Variants in GRID2IP observed in about 807,000 individuals in gnomAD.
The protein encoded by GRID2IP is delphilin.
A neutral mutation model predicts 114.3 loss-of-function variants in GRID2IP; 78 were observed. That is an observed-to-expected ratio of 0.68 (90% CI 0.57 to 0.82). The LOEUF is 0.82. Ranked by LOEUF, GRID2IP falls within the 40% of genes least tolerant of loss-of-function variation. The pLI, the probability that GRID2IP is intolerant of heterozygous loss-of-function variation, is 0.00. For synonymous variants in GRID2IP, 809 were observed against 724.0 expected (o/e 1.12, Z -1.89); for missense variants, 1,727 against 1,678.5 (o/e 1.03, Z -0.51).
chr7:6,521,991 T>G lies in GRID2IP; in HGVS notation c.920-34A>C. 6.6e-7 allele frequency: 1 copy of G among 1,518,004 alleles called. No homozygotes were observed. Among genetic ancestry groups the G allele is most frequent in the Non-Finnish European group, 9.0e-7 (1 of 1,116,756 alleles). 94.0% of individuals were successfully genotyped at this position (1,518,004 alleles called of 1,614,324 possible). On this transcript the variant is annotated intron_variant, in intron 4 of 21. Coordinates refer to ENST00000457091, the MANE Select transcript of GRID2IP (RefSeq NM_001145118.2). The surrounding 1 kb of genome is among the most constrained non-coding windows in gnomAD (Gnocchi z 4.1). ...AAGAAGAGAGGGTGTGCCGGTCAGC[T>G]GGGCAGGGTACCACTTTGAGAGCAG...
chr7:6,516,515 C>T lies in GRID2IP; in HGVS notation c.1269-1986G>A, dbSNP rs1385071517. On this transcript the variant is annotated intron_variant, in intron 7 of 21. Transcript: ENST00000457091. This position sits in a 1 kb window ranked among gnomAD's most constrained non-coding sequence, Gnocchi z 4.3. ...CCTGGACAGGGCCACTAGAGGGCTC[C>T]CTGGTCTACTGGTAACGCCAGTGCC... 6.6e-6 allele frequency among the ~76,000 whole-genome samples: 1 copy of T among 152,036 alleles called. No individual in the cohort carries two copies. Among genetic ancestry groups the T allele is most frequent in the Non-Finnish European group, 1.5e-5 (1 of 68,020 alleles).
At chr7:6,513,553 C>T (rs893931610) in intron 8 of GRID2IP, among the ~76,000 whole-genome samples, 1 of 152,158 alleles carries the variant, frequency 6.6e-6, no homozygotes, top group African/African-American at 2.4e-5. Context: ...TTCCACTTCT[C>T]AGAGTACAGA....
rs1274534506 is a variant in GRID2IP at position 6,509,340 on chromosome 7, TC to T, written c.1772-28del. The T allele has an allele frequency of 6.8e-7, 1 of 1,463,196 alleles. No homozygotes were observed. Among genetic ancestry groups the T allele is most frequent in the East Asian group, 2.5e-5 (1 of 39,226 alleles). The allele number at this position is 1,463,196 out of a possible 1,614,324, so 90.6% of individuals were successfully genotyped here. On this transcript the variant is annotated intron_variant, in intron 11 of 21. Coordinates refer to ENST00000457091, the MANE Select transcript of GRID2IP (RefSeq NM_001145118.2). The surrounding 1 kb of genome is among the most constrained non-coding windows in gnomAD (Gnocchi z 4.9). ...TGGAGGAGGGATGGAGTATGAGGAT[TC>T]CTCTTCAGCCAGCACCGAGGTTCCA... is the stretch of plus-strand genomic sequence containing the variant.
intron 1 of GRID2IP, among the ~76,000 whole-genome samples, chr7:6,548,598 G>A (rs918447172): frequency 2.0e-5 from 3 of 152,124 alleles, no homozygotes. Flanking sequence ...AGCACTCTGG[G>A]AGGCCGCAGC....
chr7:6,544,443 C>G lies in GRID2IP; in HGVS notation c.430-4571G>C, dbSNP rs138709613. On this transcript the variant is annotated intron_variant, in intron 1 of 21. Coordinates refer to ENST00000457091, the MANE Select transcript of GRID2IP (RefSeq NM_001145118.2). Reference sequence around the variant, plus strand: ...TACAGGCACCCGCCACCACAACCAGCTAATGTTTTGTGTTTTTAGTAGAGA... The same window carrying G: ...TACAGGCACCCGCCACCACAACCAGGTAATGTTTTGTGTTTTTAGTAGAGA... 3.2e-3 allele frequency among the ~76,000 whole-genome samples: 485 copies of G among 151,766 alleles called. 10 individuals carry two copies. In the East Asian group the frequency reaches 0.044, roughly 14 times the overall value.
At position 6,501,878 on chromosome 7, in the gene GRID2IP, C is replaced by A. The variant is rs530337756; in HGVS notation, c.3302G>T (p.Ser1101Ile). Residue 1101 changes from serine (S) to isoleucine (I), a missense_variant, in exon 20 of 22, where the codon AGT (serine) becomes ATT (isoleucine). Coordinates refer to ENST00000457091, the MANE Select transcript of GRID2IP (RefSeq NM_001145118.2). The stretch of plus-strand genomic sequence containing the variant: ...AGTGCCATGGAGGTCAGCCAGGTCA[C>A]TGGTCAGGGCCCGTTGGTTCACTGT... ...AAKVNQRALT[S>I]DLADLHGTIS... The A allele has an allele frequency of 6.4e-7, 1 of 1,551,594 alleles. No individual in the cohort carries two copies. The highest frequency in any genetic ancestry group is 1.4e-5 in the African/African-American group (1 of 73,180).
intron 16 of GRID2IP, 85 bp downstream of exon 16, chr7:6,503,406 C>A (rs1786473890): frequency 1.1e-5 from 15 of 1,322,276 alleles, no homozygotes; most frequent in African/African-American, 6.1e-5. Flanking sequence ...CCCCCGAAGG[C>A]GCGCGGGACC....
chr7:6,513,680 G>C (rs1351322152), intron 8 of GRID2IP, among the ~76,000 whole-genome samples: 1 of 152,192 alleles, frequency 6.6e-6, no homozygotes, highest in South Asian at 2.1e-4. Flanking sequence ...GGTCACGCTG[G>C]GAAGGCGCGT....
intron 8 of GRID2IP, among the ~76,000 whole-genome samples, chr7:6,511,308 G>A (rs1472083673): frequency 1.3e-5 from 2 of 152,144 alleles, no homozygotes; most frequent in Non-Finnish European, 2.9e-5. Context: ...AGCTTCCAGA[G>A]TCTCAACGCC....
intron 7 of GRID2IP, among the ~76,000 whole-genome samples, chr7:6,518,863 T>C (rs1390744719): frequency 1.3e-5 from 2 of 152,178 alleles, no homozygotes; most frequent in Non-Finnish European, 2.9e-5. Context: ...GCTAAACACA[T>C]AGTAATTGGT....
In GRID2IP at chr7:6,526,087, A is replaced by G; in HGVS notation, c.919+137T>C. 2 of 682,974 alleles carry G rather than the reference A, an allele frequency of 2.9e-6. No individual in the cohort carries two copies. Among genetic ancestry groups the G allele is most frequent in the African/African-American group, 1.8e-5 (1 of 56,660 alleles). 42.3% of individuals were successfully genotyped at this position (682,974 alleles called of 1,614,324 possible). ...GGGACACTCTGGGGACACGGTCTAC[A>G]CAAGGATGGTACCTGACGTGGAGGG... On this transcript the variant is annotated intron_variant, in intron 4 of 21. Transcript: ENST00000457091. The surrounding 1 kb of genome is among the most constrained non-coding windows in gnomAD (Gnocchi z 7.6).
intron 15 of GRID2IP, 123 bp from the exon 16 acceptor site, chr7:6,503,810 A>G: frequency 3.0e-6 from 2 of 660,730 alleles, no homozygotes; most frequent in Non-Finnish European, 4.8e-6. Flanking sequence ...AGGGGAGAGG[A>G]CGGGGCCTTG....
intron 2 of GRID2IP, among the ~76,000 whole-genome samples, chr7:6,538,035 C>A (rs1583352280): frequency 6.6e-6 from 1 of 152,082 alleles, no homozygotes; most frequent in East Asian, 1.9e-4. Context: ...AAAGAGTGTT[C>A]CTCTAGTGTC....
chr7:6,538,599 C>T (rs967887625), intron 2 of GRID2IP, among the ~76,000 whole-genome samples: 27 of 151,524 alleles, frequency 1.8e-4, no homozygotes, highest in African/African-American at 4.8e-4. Flanking sequence ...GTAATCAGGC[C>T]GGGTACAGTG....
chr7:6,520,370 G>A lies in GRID2IP; in HGVS notation c.1268+208C>T, dbSNP rs1259020911. Among the ~76,000 whole-genome samples, 4 of 152,138 alleles carry A rather than the reference G, an allele frequency of 2.6e-5. No homozygotes were observed. The highest frequency in any genetic ancestry group is 6.6e-5 in the Admixed American group (1 of 15,266). On this transcript the variant is annotated intron_variant, in intron 7 of 21. Coordinates refer to ENST00000457091, the MANE Select transcript of GRID2IP (RefSeq NM_001145118.2). This position sits in a 1 kb window ranked among gnomAD's most constrained non-coding sequence, Gnocchi z 4.6. ...AAGGCTGAGACTCGCCCAAGGTCAC[G>A]TGACTAGGAGGTGTCAGAGTCAGAG... is the stretch of plus-strand genomic sequence containing the variant.
At position 6,532,370 on chromosome 7, in the gene GRID2IP, A is replaced by C. The variant is rs1447396951; in HGVS notation, c.585-5601T>G. 6.6e-6 allele frequency among the ~76,000 whole-genome samples: 1 copy of C among 152,108 alleles called. No individual in the cohort carries two copies. Among genetic ancestry groups the C allele is most frequent in the Non-Finnish European group, 1.5e-5 (1 of 68,006 alleles). ...CGGGGACTTTCCCTCTGTCTCACTC[A>C]GAGGGACAGCTCCCATGGGGCAGCC... is the stretch of plus-strand genomic sequence containing the variant. On this transcript the variant is annotated intron_variant, in intron 2 of 21. Coordinates refer to ENST00000457091, the MANE Select transcript of GRID2IP (RefSeq NM_001145118.2). This position sits in a 1 kb window ranked among gnomAD's most constrained non-coding sequence, Gnocchi z 4.4.
chr7:6,534,292 A>C lies in GRID2IP; in HGVS notation c.584+5426T>G. On this transcript the variant is annotated intron_variant, in intron 2 of 21. Coordinates refer to ENST00000457091, the MANE Select transcript of GRID2IP (RefSeq NM_001145118.2). The surrounding 1 kb of genome is among the most constrained non-coding windows in gnomAD (Gnocchi z 4.5). ...GACACCCCGTTCCCCCCACGCCACCACTCATATTTCCTGAAACGCTAGCGG... is the reference window on the plus strand; with the variant it reads ...GACACCCCGTTCCCCCCACGCCACCCCTCATATTTCCTGAAACGCTAGCGG... Among the ~76,000 whole-genome samples the C allele has an allele frequency of 6.6e-6, 1 of 150,938 alleles. No individual in the cohort carries two copies. The highest frequency in any genetic ancestry group is 6.6e-5 in the Admixed American group (1 of 15,116).
chr7:6,515,629 T>C (rs546137135), intron 7 of GRID2IP, among the ~76,000 whole-genome samples: 2 of 150,532 alleles, frequency 1.3e-5, no homozygotes, highest in African/African-American at 2.4e-5. Context: ...AATACAAAAA[T>C]GTGGTAGGCA....
At position 6,511,155 on chromosome 7, in the gene GRID2IP, C is replaced by T. The variant is rs1045800590; in HGVS notation, c.1424-116G>A. The T allele has an allele frequency of 2.6e-5, 32 of 1,239,718 alleles. No individual in the cohort carries two copies. The African/African-American group carries it at 3.6e-4, about 14-fold the overall frequency. 76.8% of individuals were successfully genotyped at this position (1,239,718 alleles called of 1,614,324 possible). On this transcript the variant is annotated intron_variant, in intron 8 of 21. Coordinates refer to ENST00000457091, the MANE Select transcript of GRID2IP (RefSeq NM_001145118.2). ...GCACCAATATGCAGACCCCAAGCTA[C>T]GGGGCCTGCCCTGCTTGCCTCCAGA...
Sources: allele counts gnomAD v4.1 joint callset (sites outside exome capture counted in the v4.1 genomes callset), GRCh38; gene constraint gnomAD v4.1.1; non-coding constraint Gnocchi (gnomAD v3.1); transcripts MANE v1.5; gene names NCBI Gene and HGNC (gene_info 2026-07-23, HGNC 2026-07-21).